Variants in NOX4 observed in about 807,000 individuals in gnomAD.
The protein encoded by NOX4 is kidney oxidase-1.
Under a neutral mutation model 87.6 loss-of-function variants are expected in NOX4, and 69 were observed. That is an observed-to-expected ratio of 0.79 (90% CI 0.65 to 0.96). NOX4 has a LOEUF of 0.96. Among genes scored for constraint, NOX4 ranks in the 40% least tolerant of loss-of-function variants. NOX4 has a pLI of 0.00. For missense variants in NOX4, 680 were observed against 681.5 expected (o/e 1.00, Z 0.02); for synonymous variants, 275 against 238.2 (o/e 1.15, Z -1.42).
intron 13 of NOX4, among the ~76,000 whole-genome samples, chr11:89,345,295 AGGT>A (rs1467672498): frequency 2.0e-5 from 3 of 152,208 alleles, no homozygotes. Flanking sequence ...GAGCTGGTAC[AGGT>A]GGTGATTTTA....
intron 11 of NOX4, among the ~76,000 whole-genome samples, chr11:89,374,312 C>T (rs1463930328): frequency 6.6e-6 from 1 of 152,096 alleles, no homozygotes; most frequent in Non-Finnish European, 1.5e-5. Context: ...CATTGTCCTA[C>T]AGAATTATCC....
At position 89,456,859 on chromosome 11, in the gene NOX4, G is replaced by A. The variant is rs182899195; in HGVS notation, c.154-4964C>T. The stretch of plus-strand genomic sequence containing the variant: ...CCAAAGACTCTCCATGGCCTTCTAA[G>A]TGACGTCAGCCTTTGAGAGACTGTT... On this transcript the variant is annotated intron_variant, in intron 2 of 17. Transcript: ENST00000263317. Among the ~76,000 whole-genome samples the A allele has an allele frequency of 3.7e-3, 560 of 152,280 alleles. 3 individuals carry two copies. The highest frequency in any genetic ancestry group is 0.013 in the African/African-American group (536 of 41,562).
chr11:89,431,142 G>T (rs1225190744), intron 7 of NOX4, among the ~76,000 whole-genome samples: 1 of 152,158 alleles, frequency 6.6e-6, no homozygotes, highest in Non-Finnish European at 1.5e-5. Flanking sequence ...TGGGAAAACT[G>T]GCTAGTTGTA....
At chr11:89,575,314 C>T in the NOX4 span, among the ~76,000 whole-genome samples, 1 of 152,002 alleles carries the variant, frequency 6.6e-6, no homozygotes, top group South Asian at 2.1e-4. Flanking sequence ...TAGGCAGAAC[C>T]AAATAATTAT....
chr11:89,409,906 A>G (rs1233598140), intron 8 of NOX4, among the ~76,000 whole-genome samples: 2 of 152,040 alleles, frequency 1.3e-5, no homozygotes, highest in Admixed American at 1.3e-4. Context: ...AAATTGAAGA[A>G]CTAAAAAGTG....
At chr11:89,415,256 A>G (rs2135239999) in intron 8 of NOX4, among the ~76,000 whole-genome samples, 1 of 152,216 alleles carries the variant, frequency 6.6e-6, no homozygotes, top group East Asian at 1.9e-4. Context: ...TGAACAGTAT[A>G]ATTATTATCC....
At chr11:89,550,616 A>C in the NOX4 span, among the ~76,000 whole-genome samples, 1 of 152,034 alleles carries the variant, frequency 6.6e-6, no homozygotes, top group Non-Finnish European at 1.5e-5. Flanking sequence ...GTGTGTTCAT[A>C]TCCTTCACTC....
intron 12 of NOX4, among the ~76,000 whole-genome samples, chr11:89,366,546 T>C (rs1001157265): frequency 1.3e-5 from 2 of 151,760 alleles, no homozygotes; most frequent in Non-Finnish European, 2.9e-5. Flanking sequence ...CATGGTGGTC[T>C]GAGCCTGTGG....
chr11:89,500,102 T>C (rs1190500000), upstream of NOX4, among the ~76,000 whole-genome samples: 1 of 152,166 alleles, frequency 6.6e-6, no homozygotes, highest in Non-Finnish European at 1.5e-5. Context: ...ATCAGGACTA[T>C]TCAACATCTT....
At chr11:89,401,284 C>T (rs185663785) in intron 9 of NOX4, among the ~76,000 whole-genome samples, 80 of 152,176 alleles carry the variant, frequency 5.3e-4, no homozygotes, top group Non-Finnish European at 4.1e-4. Flanking sequence ...CAGCCTTGCA[C>T]CTTTGAGACA....
chr11:89,454,905 T>G (rs1258628484), intron 2 of NOX4, among the ~76,000 whole-genome samples: 2 of 152,168 alleles, frequency 1.3e-5, no homozygotes. Context: ...GTTTACCTTG[T>G]CAAAAGTCAA....
rs1253592531 is a variant in NOX4, at chr11:89,337,610, C to T, written c.1447-95G>A. On this transcript the variant is annotated intron_variant, in intron 15 of 17. Transcript: ENST00000263317. The stretch of plus-strand genomic sequence containing the variant: ...ACATACTTGATTCTAGAATTTAACA[C>T]AACCTAGCTTATCATAGTCAATATC... The T allele has an allele frequency of 3.3e-6, 5 of 1,529,826 alleles. No individual in the cohort carries two copies. In the African/African-American group the frequency reaches 6.8e-5, roughly 21 times the overall value. 94.8% of individuals were successfully genotyped at this position (1,529,826 alleles called of 1,614,324 possible). A position where few individuals can be genotyped will look rare whatever the true frequency, so the allele number is the denominator to read the frequency against.
Position 89,342,041 on chromosome 11 carries a change from T to C in NOX4, c.1337+33A>G, listed in dbSNP as rs317183. ...TATCAGAAATATTGGCAGTTCTCTA[T>C]TTGGATTAACAAAATAGATCAAAAT... On this transcript the variant is annotated intron_variant, in intron 14 of 17. Transcript: ENST00000263317. 4.8e-3 allele frequency: 7,515 copies of C among 1,561,248 alleles called. 315 individuals are homozygous for C. The African/African-American group carries it at 0.089, about 19-fold the overall frequency.
rs564287711 is a variant in NOX4 at position 89,409,234 on chromosome 11, G to C, written c.630-6692C>G. ...TGAAAATGTTTCTTAAATAAATACA[G>C]TGCTTTTTCCTCCTCCTTTCCCCCA... On this transcript the variant is annotated intron_variant, in intron 8 of 17. Transcript: ENST00000263317. 8.5e-5 allele frequency among the ~76,000 whole-genome samples: 13 copies of C among 152,172 alleles called. No homozygotes were observed. In the East Asian group the frequency reaches 2.3e-3, roughly 27 times the overall value.
chr11:89,474,586 AT>A (rs1946088858), intron 2 of NOX4, among the ~76,000 whole-genome samples: 1 of 151,988 alleles, frequency 6.6e-6, no homozygotes, highest in South Asian at 2.1e-4. Flanking sequence ...TTAGCCTCAC[AT>A]AATAGAAATG....
the NOX4 span, among the ~76,000 whole-genome samples, chr11:89,560,990 C>CTATA: frequency 9.9e-4 from 73 of 73,456 alleles, no homozygotes; most frequent in Non-Finnish European, 1.4e-3. Flanking sequence ...CTCTCTCTCT[C>CTATA]TCTCTCTATA....
At chr11:89,345,756 G>GT (rs1946189641) in intron 13 of NOX4, among the ~76,000 whole-genome samples, 1 of 151,952 alleles carries the variant, frequency 6.6e-6, no homozygotes, top group South Asian at 2.1e-4. Context: ...TCCCTTTATG[G>GT]TAAAAACCCT....
chr11:89,417,511 C>T (rs1942849430), intron 8 of NOX4, among the ~76,000 whole-genome samples: 1 of 151,988 alleles, frequency 6.6e-6, no homozygotes, highest in Non-Finnish European at 1.5e-5. Flanking sequence ...AAAGATAAAC[C>T]TTTATTGCTA....
At chr11:89,367,385 C>T (rs1050186339) in intron 12 of NOX4, among the ~76,000 whole-genome samples, 5 of 152,096 alleles carry the variant, frequency 3.3e-5, no homozygotes, top group African/African-American at 7.2e-5. Context: ...TTGCTATGTG[C>T]CTCTTTTTGT....
Sources: allele counts gnomAD v4.1 joint callset (sites outside exome capture counted in the v4.1 genomes callset), GRCh38; gene constraint gnomAD v4.1.1; transcripts MANE v1.5; gene names NCBI Gene and HGNC (gene_info 2026-07-23, HGNC 2026-07-21).